The following CDKN2B-AS1 variants were observed in gnomAD, a reference collection of about 807,000 sequenced individuals.
CDKN2B-AS1 encodes CDKN2B antisense RNA 1 (non-protein coding).
At chr9:22,100,308 A>G (rs912777711) in intron 4 of CDKN2B-AS1, among the ~76,000 whole-genome samples, 1 of 152,078 alleles carries the variant, frequency 6.6e-6, no homozygotes, top group African/African-American at 2.4e-5. Context: ...TCATTTATTT[A>G]ATCTCCATTC....
chr9:22,023,288 A>G (rs1370461683), intron 1 of CDKN2B-AS1, among the ~76,000 whole-genome samples: 1 of 152,118 alleles, frequency 6.6e-6, no homozygotes, highest in East Asian at 1.9e-4. Context: ...GTCTCTATAT[A>G]ATCCTATATT....
At chr9:22,095,831 C>G (rs1490814308) in intron 4 of CDKN2B-AS1, among the ~76,000 whole-genome samples, 1 of 150,244 alleles carries the variant, frequency 6.7e-6, no homozygotes, top group Non-Finnish European at 1.5e-5. Context: ...TGATCCCTTA[C>G]CATTATGTAA....
chr9:22,091,456 T>A (rs1264373367), intron 4 of CDKN2B-AS1, among the ~76,000 whole-genome samples: 2 of 152,238 alleles, frequency 1.3e-5, no homozygotes, highest in East Asian at 3.8e-4. Flanking sequence ...TTCCTACCCA[T>A]GAGCATGGAA....
At chr9:22,010,807 C>T (rs1821459814) in intron 1 of CDKN2B-AS1, among the ~76,000 whole-genome samples, 1 of 152,178 alleles carries the variant, frequency 6.6e-6, no homozygotes, top group Admixed American at 6.5e-5. Flanking sequence ...CTTTGAGTTT[C>T]TCTGAAACTT....
At position 22,099,029 on chromosome 9, in the gene CDKN2B-AS1, A is replaced by G. The variant is rs970993241; in HGVS notation, n.439-28074A>G. ...AGTGCTTTTGATGGAATTAAGCACAATGAGGGTGTTAGTACAGAAAGGACA... is the reference window on the plus strand; with the variant it reads ...AGTGCTTTTGATGGAATTAAGCACAGTGAGGGTGTTAGTACAGAAAGGACA... On this transcript the variant is annotated intron_variant and non_coding_transcript_variant, in intron 4 of 4. Coordinates refer to ENST00000650946, the Ensembl canonical transcript of CDKN2B-AS1. 3.3e-5 allele frequency among the ~76,000 whole-genome samples: 5 copies of G among 152,248 alleles called. No homozygotes were observed. In the South Asian group the frequency reaches 6.2e-4, roughly 19 times the overall value.
At chr9:22,064,982 C>T (rs961768940) in intron 4 of CDKN2B-AS1, among the ~76,000 whole-genome samples, 17 of 152,060 alleles carry the variant, frequency 1.1e-4, no homozygotes, top group Non-Finnish European at 4.4e-5. Flanking sequence ...TTATTGTTAC[C>T]CACACCTTTG....
In CDKN2B-AS1 at chr9:21,995,443, C is replaced by G. The variant is rs1275099250; in HGVS notation, n.29+282C>G. ...TGGCGACCGTTGGCCGCTGCCGCCT[C>G]CACGCTCTGCCCCGCGCCCAGACAC... is the stretch of plus-strand genomic sequence containing the variant. On this transcript the variant is annotated intron_variant and non_coding_transcript_variant, in intron 1 of 4. Coordinates refer to ENST00000650946, the Ensembl canonical transcript of CDKN2B-AS1. The surrounding 1 kb of genome is among the most constrained non-coding windows in gnomAD (Gnocchi z 5.7). 1 of 152,612 alleles carries G rather than the reference C, an allele frequency of 6.6e-6. No individual in the cohort carries two copies. Among genetic ancestry groups the G allele is most frequent in the Non-Finnish European group, 1.5e-5 (1 of 68,284 alleles). 9.5% of individuals were successfully genotyped at this position (152,612 alleles called of 1,614,324 possible).
intron 1 of CDKN2B-AS1, chr9:22,009,139 G>T (rs945213700): frequency 3.9e-6 from 3 of 770,558 alleles, no homozygotes; most frequent in Non-Finnish European, 6.4e-6. Context: ...CCGAGCGGCC[G>T]GTCGTTAGCT....
intron 4 of CDKN2B-AS1, among the ~76,000 whole-genome samples, chr9:22,092,926 T>C (rs1825143568): frequency 1.3e-5 from 2 of 152,202 alleles, no homozygotes; most frequent in African/African-American, 4.8e-5. Context: ...AGGGTGTCAA[T>C]TTTAGATCTT....
chr9:22,036,594 T>A (rs1822697586), intron 1 of CDKN2B-AS1, among the ~76,000 whole-genome samples: 1 of 152,160 alleles, frequency 6.6e-6, no homozygotes, highest in South Asian at 2.1e-4. Flanking sequence ...AATTTATTTG[T>A]ATTCCCCTAT....
intron 1 of CDKN2B-AS1, among the ~76,000 whole-genome samples, chr9:22,022,834 C>A (rs1264759592): frequency 6.6e-6 from 1 of 152,196 alleles, no homozygotes; most frequent in Non-Finnish European, 1.5e-5. Context: ...GTAACTAATT[C>A]CTTCAGCATT....
At chr9:22,079,258 A>G (rs1314128071) in intron 4 of CDKN2B-AS1, among the ~76,000 whole-genome samples, 2 of 152,064 alleles carry the variant, frequency 1.3e-5, no homozygotes, top group Admixed American at 6.5e-5. Flanking sequence ...CCGAGGCGGG[A>G]GGATCACCTG....
In CDKN2B-AS1 at chr9:21,995,722, C is replaced by G. The variant is rs1820636911; in HGVS notation, n.29+561C>G. 6.6e-6 allele frequency: 1 copy of G among 152,418 alleles called. No homozygotes were observed. Among genetic ancestry groups the G allele is most frequent in the African/African-American group, 2.4e-5 (1 of 41,464 alleles). 9.4% of individuals were successfully genotyped at this position (152,418 alleles called of 1,614,324 possible). On this transcript the variant is annotated intron_variant and non_coding_transcript_variant, in intron 1 of 4. Coordinates refer to ENST00000650946, the Ensembl canonical transcript of CDKN2B-AS1. This position sits in a 1 kb window ranked among gnomAD's most constrained non-coding sequence, Gnocchi z 5.7. ...GGGGCAGCCGGAGAATGCGGAGGAG[C>G]CGGGTCCTGAGCGCGGTCTAAGCGA...
chr9:22,075,011 T>G (rs1824440044), intron 4 of CDKN2B-AS1, among the ~76,000 whole-genome samples: 1 of 152,236 alleles, frequency 6.6e-6, no homozygotes, highest in African/African-American at 2.4e-5. Context: ...GTTATGTATT[T>G]TTAATTCATA....
At chr9:22,100,643 T>C (rs1471325109) in intron 4 of CDKN2B-AS1, among the ~76,000 whole-genome samples, 1 of 152,214 alleles carries the variant, frequency 6.6e-6, no homozygotes, top group African/African-American at 2.4e-5. Flanking sequence ...TAAGTCTTTG[T>C]GTGGAAGTAT....
intron 4 of CDKN2B-AS1, among the ~76,000 whole-genome samples, chr9:22,101,812 A>G (rs1825494889): frequency 6.6e-6 from 1 of 152,094 alleles, no homozygotes; most frequent in Non-Finnish European, 1.5e-5. Flanking sequence ...CTTCAACAAA[A>G]TATTTATCTC....
At chr9:22,041,688 C>G (rs749382886) in intron 1 of CDKN2B-AS1, among the ~76,000 whole-genome samples, 6 of 152,024 alleles carry the variant, frequency 3.9e-5, no homozygotes, top group Non-Finnish European at 7.4e-5. Flanking sequence ...TGAAAAAACA[C>G]TACAGACTCT....
intron 1 of CDKN2B-AS1, among the ~76,000 whole-genome samples, chr9:22,023,580 C>CAA (rs111513140): frequency 2.1e-5 from 3 of 143,342 alleles, no homozygotes; most frequent in African/African-American, 7.8e-5. Context: ...CTAAAAATAC[C>CAA]AAAAAAAAAA....
intron 4 of CDKN2B-AS1, among the ~76,000 whole-genome samples, chr9:22,126,279 A>G (rs998389250): frequency 9.8e-5 from 15 of 152,334 alleles, no homozygotes; most frequent in Non-Finnish European, 2.1e-4. Context: ...TGAATATGTG[A>G]AAGGGTACAT....
Sources: gnomAD v4.1 joint callset for allele counts (sites outside exome capture counted in the v4.1 genomes callset) on GRCh38, gnomAD v4.1.1 for gene constraint, Gnocchi (gnomAD v3.1) non-coding constraint, MANE v1.5 for transcripts, NCBI Gene and HGNC (gene_info 2026-07-23, HGNC 2026-07-21) for gene names.